ALMS1: variants seen among roughly 807,000 people sequenced by gnomAD.
ALMS1 encodes ALMS1 centrosome and basal body associated protein.
In ALMS1, 271 loss-of-function variants were observed where a neutral mutation model predicts 352.2. The observed-to-expected ratio is 0.77, with a 90% CI of 0.70 to 0.85. The LOEUF (loss-of-function observed/expected upper bound fraction) is 0.85, where lower values mean the gene tolerates loss of function less well. Ranked by LOEUF, ALMS1 falls within the 40% of genes least tolerant of loss-of-function variation. ALMS1 has a pLI of 0.00. For missense variants in ALMS1, 5,445 were observed against 4,870.7 expected, an observed-to-expected ratio of 1.12 and a Z score of -3.51; for synonymous variants, 1,865 against 1,761.2, an observed-to-expected ratio of 1.06 and a Z score of -1.48.
At position 73,601,203 on chromosome 2, in the gene ALMS1, T is replaced by C. The variant is rs774496480; in HGVS notation, c.11881T>C (p.Trp3961Arg). The C allele has an allele frequency of 6.2e-7, 1 of 1,614,198 alleles. No homozygotes were observed. The highest frequency in any genetic ancestry group is 1.1e-5 in the South Asian group (1 of 91,062). Residue 3961 changes from tryptophan to arginine, a missense_variant, in exon 19 of 23, where the codon TGG (tryptophan) becomes CGG (arginine). Transcript: ENST00000613296. Reference protein sequence around the residue: ...NKKNSHEGVSWFVPVENVESR... With the variant: ...NKKNSHEGVSRFVPVENVESR... The stretch of plus-strand genomic sequence containing the variant: ...AAAACTGTTTCCTGTAGGAGTTTCC[T>C]GGTTTGTTCCTGTGGAAAATGTGGA...
rs1320062396 is a variant in ALMS1, at chr2:73,451,825, T to C, written c.5298T>C (p.Asn1766=). 2 of 1,613,836 alleles carry C rather than the reference T, an allele frequency of 1.2e-6. No homozygotes were observed. The highest frequency in any genetic ancestry group is 4.5e-5 in the East Asian group (2 of 44,838). Residue 1766 remains asparagine, a synonymous_variant, in exon 8 of 23, where the codon AAT becomes AAC. Transcript: ENST00000613296. ...TCTATTCACATACAGAGAAGCCTAA[T>C]ATTTCTTACCAGCAAGAGTTGCCAG... ...SSFYSHTEKP[N]ISYQQELPDS... is the part of the protein sequence containing the mutation.
chr2:73,559,465 T>C (rs532431137), intron 15 of ALMS1, among the ~76,000 whole-genome samples: 18 of 152,262 alleles, frequency 1.2e-4, no homozygotes, highest in African/African-American at 4.3e-4. Flanking sequence ...CTTAAAGGCC[T>C]TCCAGAAGAC....
At chr2:73,521,756 C>T (rs1032352102) in intron 11 of ALMS1, among the ~76,000 whole-genome samples, 2 of 148,806 alleles carry the variant, frequency 1.3e-5, no homozygotes, top group Admixed American at 1.3e-4. Context: ...TTTCCAAAAA[C>T]AAAAAAAAAG....
In ALMS1 at chr2:73,446,080, A is replaced by G. The variant is rs75127963; in HGVS notation, c.1433-1880A>G. Among the ~76,000 whole-genome samples the G allele has an allele frequency of 4.9e-3, 740 of 152,292 alleles. 6 individuals carry two copies. The highest frequency in any genetic ancestry group is 0.017 in the African/African-American group (718 of 41,566). ...ATGTCCTTAACTTTATATAGAACTG[A>G]CAAGAATTCTTCTTTAACATCGTGC... is the stretch of plus-strand genomic sequence containing the variant. On this transcript the variant is annotated intron_variant, in intron 7 of 22. Transcript: ENST00000613296.
chr2:73,527,018 A>G (rs1054795889), intron 11 of ALMS1, among the ~76,000 whole-genome samples: 5 of 152,120 alleles, frequency 3.3e-5, no homozygotes, highest in South Asian at 4.1e-4. Flanking sequence ...TTCATCGTCA[A>G]TTGAAATGAT....
At chr2:73,446,399 G>A (rs1034199726) in intron 7 of ALMS1, among the ~76,000 whole-genome samples, 1 of 152,126 alleles carries the variant, frequency 6.6e-6, no homozygotes, top group African/African-American at 2.4e-5. Context: ...AGCTTCTTGA[G>A]CCTGTTTTGT....
At chr2:73,417,850 T>C (rs931034802) in intron 2 of ALMS1, among the ~76,000 whole-genome samples, 1 of 152,228 alleles carries the variant, frequency 6.6e-6, no homozygotes, top group African/African-American at 2.4e-5. Flanking sequence ...AAAATACCTT[T>C]TAAACTTGTC....
In ALMS1 at chr2:73,601,407, CTGAGGCCATTTG is replaced by C. The variant is rs1245181381; in HGVS notation, c.12090_12101del (p.Pro4031_Arg4034del). On this transcript the variant is annotated inframe_deletion, in exon 19 of 23. Transcript: ENST00000613296. ...AGGCAGAGAGGCTGGCAGAGACCTA[CTGAGGCCATTTG>C]TGAGAGCAACCCTTCAGGTGCAGTG... The C allele has an allele frequency of 3.1e-6, 5 of 1,613,886 alleles. No homozygotes were observed. The highest frequency in any genetic ancestry group is 4.2e-6 in the Non-Finnish European group (5 of 1,179,916).
At chr2:73,520,200 C>T (rs1485765393) in intron 11 of ALMS1, among the ~76,000 whole-genome samples, 184 bp downstream of exon 11, 1 of 152,116 alleles carries the variant, frequency 6.6e-6, no homozygotes, top group Non-Finnish European at 1.5e-5. Flanking sequence ...TATATTTTAT[C>T]TTAATTTCAA....
rs1675739987 is a variant in ALMS1 at position 73,603,265 on chromosome 2, A to C, written c.12323A>C (p.Lys4108Thr). ...KRVFLAIQKN[K>T]PISKKEMIQR... ...GTCTTCCTGGCTATCCAGAAGAACAAGCCTATCAGCAAGAAGGAAATGATT... is the reference window on the plus strand; with the variant it reads ...GTCTTCCTGGCTATCCAGAAGAACACGCCTATCAGCAAGAAGGAAATGATT... Residue 4108 changes from lysine (K) to threonine (T), a missense_variant, in exon 21 of 23, where the codon AAG (lysine) becomes ACG (threonine). Lys to Thr is a moderately conservative substitution (Grantham distance 78, BLOSUM62 -1). Coordinates refer to ENST00000613296, the MANE Select transcript of ALMS1 (RefSeq NM_001378454.1). 6.2e-7 allele frequency: 1 copy of C among 1,614,088 alleles called. No individual in the cohort carries two copies. Among genetic ancestry groups the C allele is most frequent in the African/African-American group, 1.3e-5 (1 of 74,930 alleles).
intron 21 of ALMS1, among the ~76,000 whole-genome samples, chr2:73,608,126 C>A (rs778914113): frequency 1.3e-5 from 2 of 152,166 alleles, no homozygotes; most frequent in Non-Finnish European, 2.9e-5. Flanking sequence ...ACAATAGTAA[C>A]GCTGTTCATT....
At chr2:73,562,447 C>T (rs1331354422) in intron 15 of ALMS1, among the ~76,000 whole-genome samples, 2 of 152,064 alleles carry the variant, frequency 1.3e-5, no homozygotes, top group African/African-American at 4.8e-5. Context: ...ATGAATCATG[C>T]AGGCCTCCAT....
intron 1 of ALMS1, among the ~76,000 whole-genome samples, chr2:73,389,699 T>C (rs974586073): frequency 6.6e-6 from 1 of 151,942 alleles, no homozygotes; most frequent in African/African-American, 2.4e-5. Context: ...ATCTTTTTTT[T>C]CCCCCGCCGA....
intron 1 of ALMS1, among the ~76,000 whole-genome samples, chr2:73,396,338 A>T (rs1031911095): frequency 1.3e-5 from 2 of 150,742 alleles, no homozygotes; most frequent in Non-Finnish European, 3.0e-5. Context: ...ACACACACAC[A>T]CGCTTGTATT....
At chr2:73,478,153 C>T (rs1672620450) in intron 9 of ALMS1, among the ~76,000 whole-genome samples, 1 of 152,080 alleles carries the variant, frequency 6.6e-6, no homozygotes, top group Non-Finnish European at 1.5e-5. Flanking sequence ...TCCTAGTTTG[C>T]TGAGAAATTT....
intron 9 of ALMS1, among the ~76,000 whole-genome samples, chr2:73,462,427 G>T (rs1672225073): frequency 6.6e-6 from 1 of 152,126 alleles, no homozygotes; most frequent in East Asian, 1.9e-4. Flanking sequence ...GTCACCACCA[G>T]GCCTGCCCTA....
intron 11 of ALMS1, among the ~76,000 whole-genome samples, chr2:73,534,081 A>G (rs1020188800): frequency 6.6e-6 from 1 of 152,182 alleles, no homozygotes; most frequent in African/African-American, 2.4e-5. Context: ...AATGTGAAGA[A>G]TAGGAAGTAA....
intron 13 of ALMS1, among the ~76,000 whole-genome samples, chr2:73,552,219 G>A (rs754451698): frequency 6.6e-6 from 1 of 151,960 alleles, no homozygotes; most frequent in African/African-American, 2.4e-5. Context: ...AGATAATTTC[G>A]TTCTACTTCA....
At chr2:73,506,269 G>A (rs778547836) in intron 10 of ALMS1, among the ~76,000 whole-genome samples, 9 of 152,032 alleles carry the variant, frequency 5.9e-5, no homozygotes, top group Non-Finnish European at 1.3e-4. Context: ...GTGGCTATAC[G>A]GGCTCTTTTT....
Sources: allele counts gnomAD v4.1 joint callset (sites outside exome capture counted in the v4.1 genomes callset), GRCh38; gene constraint gnomAD v4.1.1; transcripts MANE v1.5; gene names NCBI Gene and HGNC (gene_info 2026-07-23, HGNC 2026-07-21).